Variants in TRAK1 observed in about 807,000 individuals in gnomAD.
TRAK1 encodes trafficking kinesin-binding protein 1.
Under a neutral mutation model 92.1 loss-of-function variants are expected in TRAK1, and 33 were observed. That is an observed-to-expected ratio of 0.36 (90% CI 0.27 to 0.48). The LOEUF (loss-of-function observed/expected upper bound fraction) is 0.48. TRAK1 is among the 20% of genes least tolerant of loss of function. The pLI, the probability that TRAK1 is intolerant of heterozygous loss-of-function variation, is 0.99. For synonymous variants in TRAK1, 521 were observed against 517.3 expected (o/e 1.01, Z -0.10); for missense variants, 1,123 against 1,257.9 (o/e 0.89, Z 1.62).
At chr3:42,091,289 G>C (rs977077231), upstream of TRAK1, 1 of 582,128 alleles carries the variant, frequency 1.7e-6, no homozygotes, top group Non-Finnish European at 3.0e-6. Context: ...AGGCTGCCTG[G>C]AGTTACATAA....
intron 2 of TRAK1, among the ~76,000 whole-genome samples, chr3:42,153,430 A>G (rs1469275051): frequency 1.3e-5 from 2 of 152,130 alleles, no homozygotes; most frequent in Non-Finnish European, 2.9e-5. Flanking sequence ...TGGTATTTTG[A>G]ACAAGGTACA....
intron 2 of TRAK1, among the ~76,000 whole-genome samples, chr3:42,172,354 TCCCAGTG>T (rs1197147250): frequency 6.6e-6 from 1 of 152,184 alleles, no homozygotes; most frequent in Non-Finnish European, 1.5e-5. Context: ...GTCCTTGTTG[TCCCAGTG>T]AGAAGCCCTG....
rs1706397473 is a variant in TRAK1, at chr3:42,195,035, A to C, written c.1113+94A>C. 5 of 1,478,214 alleles carry C rather than the reference A, an allele frequency of 3.4e-6. No individual in the cohort carries two copies. The African/African-American group carries it at 4.2e-5, about 12-fold the overall frequency. The allele number at this position is 1,478,214 out of a possible 1,614,324, so 91.6% of individuals were successfully genotyped here. On this transcript the variant is annotated intron_variant, in intron 10 of 15. Transcript: ENST00000327628. ...TTCTGGCCACTGGAGTTGGGTGTTC[A>C]CAGTTCGCTTCTCGTTGTACAGTTC...
In TRAK1 at chr3:42,191,578, G is replaced by GACC; in HGVS notation, c.713_715dup (p.Thr238dup). On this transcript the variant is annotated inframe_insertion, in exon 7 of 16. Transcript: ENST00000327628. Reference sequence around the variant, plus strand: ...TACAGGCCAGCCAGCTGAAGACAGAGACCATCACCTATGAGGAGAAGGAGC... The same window carrying GACC: ...TACAGGCCAGCCAGCTGAAGACAGAGACCACCATCACCTATGAGGAGAAGGAGC... The GACC allele has an allele frequency of 3.1e-6, 5 of 1,600,872 alleles. No individual in the cohort carries two copies. Among genetic ancestry groups the GACC allele is most frequent in the Non-Finnish European group, 4.3e-6 (5 of 1,173,638 alleles).
rs1359101014 is a variant in TRAK1, at chr3:42,041,887, C to T, written c.-519+27770C>T. 5.9e-5 allele frequency among the ~76,000 whole-genome samples: 9 copies of T among 151,884 alleles called. No individual in the cohort carries two copies. In the South Asian group the frequency reaches 6.2e-4, roughly 11 times the overall value. On this transcript the variant is annotated intron_variant, in intron 1 of 16. Coordinates refer to the TRAK1 transcript ENST00000487159. ...TTGGCTCACCGCAGCCTCCGCCTCC[C>T]GGGTTCAAGCGATTCTCCTGCCTTA...
intron 11 of TRAK1, among the ~76,000 whole-genome samples, chr3:42,200,429 G>A (rs1470262924): frequency 1.3e-5 from 2 of 152,180 alleles, no homozygotes; most frequent in African/African-American, 4.8e-5. Context: ...CTGCTGCGCT[G>A]AGCAGTAAAC....
Position 42,200,977 on chromosome 3 carries a change from C to T in TRAK1, c.1350C>T (p.Tyr450=), listed in dbSNP as rs374390537. ...SCVSTPRSSF[Y]GSDIGNVVLD... The stretch of plus-strand genomic sequence containing the variant: ...TCAGCACCCCCCGGTCCAGCTTCTA[C>T]GGCAGCGACATAGGCAACGTCGTCC... The change falls in exon 12 of 16, where the codon TAC becomes TAT. Residue 450 remains tyrosine, a synonymous_variant. Transcript: ENST00000327628. 35 of 1,614,102 alleles carry T rather than the reference C, an allele frequency of 2.2e-5. No homozygotes were observed. The highest frequency in any genetic ancestry group is 6.7e-5 in the African/African-American group (5 of 74,934).
At chr3:42,219,224 C>T in intron 14 of TRAK1, 3 of 977,554 alleles carry the variant, frequency 3.1e-6, no homozygotes, top group Non-Finnish European at 3.6e-6. Flanking sequence ...CAGACTGGAT[C>T]CACTACTGGC....
At chr3:42,194,996 CACAGTGTCTG>C (rs1402732320) in intron 10 of TRAK1, 55 bp downstream of exon 10, 1 of 1,596,274 alleles carries the variant, frequency 6.3e-7, no homozygotes, top group African/African-American at 1.3e-5. Context: ...GTGACAGGAG[CACAGTGTCTG>C]ACATTCTGGC....
chr3:42,142,259 AAATTACAGATTATTT>A (rs1698767118), intron 2 of TRAK1, among the ~76,000 whole-genome samples: 1 of 152,190 alleles, frequency 6.6e-6, no homozygotes, highest in Non-Finnish European at 1.5e-5. Context: ...TCTTTTCCTG[AAATTACAGATTATTT>A]ATCTTTGGCG....
intron 14 of TRAK1, chr3:42,217,916 T>C (rs1479816785): frequency 6.1e-6 from 6 of 985,222 alleles, no homozygotes; most frequent in Non-Finnish European, 7.2e-6. Context: ...TTATGTTCAC[T>C]GATTGAGAAA....
intron 1 of TRAK1, among the ~76,000 whole-genome samples, chr3:42,055,445 T>G (rs1354393477): frequency 3.3e-5 from 5 of 151,930 alleles, no homozygotes; most frequent in Non-Finnish European, 7.4e-5. Flanking sequence ...GTTTACAGAG[T>G]TGTGCAACAT....
chr3:42,211,957 C>T (rs184216158), intron 14 of TRAK1: 2 of 985,336 alleles, frequency 2.0e-6, no homozygotes, highest in Admixed American at 1.2e-4. Context: ...TAGGAAGGGT[C>T]TGATCATTTA....
At chr3:42,030,953 CGATT>C (rs1403225230) in intron 1 of TRAK1, among the ~76,000 whole-genome samples, 1 of 151,098 alleles carries the variant, frequency 6.6e-6, no homozygotes, top group African/African-American at 2.4e-5. Context: ...CATGGTGTAA[CGATT>C]GAACAGAGTA....
At chr3:42,157,825 C>A (rs142067430) in intron 2 of TRAK1, among the ~76,000 whole-genome samples, 426 of 152,206 alleles carry the variant, frequency 2.8e-3, no homozygotes, top group African/African-American at 9.9e-3. Context: ...TCAATAAGAT[C>A]TATGGGTTAC....
At chr3:42,033,480 T>C (rs1003006336) in intron 1 of TRAK1, among the ~76,000 whole-genome samples, 1 of 152,110 alleles carries the variant, frequency 6.6e-6, no homozygotes, top group African/African-American at 2.4e-5. Flanking sequence ...TCTTAGCTAT[T>C]GAGGGGCTGA....
At position 42,202,338 on chromosome 3, in the gene TRAK1, G is replaced by A; in HGVS notation, c.1428-98G>A. 1 of 1,246,588 alleles carries A rather than the reference G, an allele frequency of 8.0e-7. No individual in the cohort carries two copies. Among genetic ancestry groups the A allele is most frequent in the Non-Finnish European group, 1.0e-6 (1 of 961,210 alleles). The allele number at this position is 1,246,588 out of a possible 1,614,324, so 77.2% of individuals were successfully genotyped here. A position where few individuals can be genotyped will look rare whatever the true frequency, so the allele number is the denominator to read the frequency against. ...CTTGGTTCCCATGGAGAATCCTGTA[G>A]CCCCAGGGAACGTCCACCGCTGTGC... On this transcript the variant is annotated intron_variant, in intron 12 of 15. Coordinates refer to ENST00000327628, the MANE Select transcript of TRAK1 (RefSeq NM_001042646.3). This position sits in a 1 kb window ranked among gnomAD's most constrained non-coding sequence, Gnocchi z 6.1.
intron 2 of TRAK1, among the ~76,000 whole-genome samples, chr3:42,127,215 A>T (rs997507743): frequency 6.6e-6 from 1 of 152,192 alleles, no homozygotes; most frequent in African/African-American, 2.4e-5. Context: ...AGAATAGTAG[A>T]GTTTGTAACA....
chr3:42,184,023 G>T (rs1371764201), intron 3 of TRAK1, among the ~76,000 whole-genome samples: 1 of 152,152 alleles, frequency 6.6e-6, no homozygotes, highest in Non-Finnish European at 1.5e-5. Flanking sequence ...CTGAAGGATG[G>T]CAATTTTATG....
Sources: gnomAD v4.1 joint callset for allele counts (sites outside exome capture counted in the v4.1 genomes callset) on GRCh38, gnomAD v4.1.1 for gene constraint, Gnocchi (gnomAD v3.1) non-coding constraint, MANE v1.5 for transcripts, NCBI Gene and HGNC (gene_info 2026-07-23, HGNC 2026-07-21) for gene names.